Variants in ICE2 observed in about 807,000 individuals in gnomAD.
The protein encoded by ICE2 is little elongation complex subunit 2.
Under a neutral mutation model 105.4 loss-of-function variants are expected in ICE2, and 87 were observed. The observed-to-expected ratio is 0.83, with a 90% CI of 0.69 to 0.99. The LOEUF is 0.99. Ranked by LOEUF, ICE2 falls within the 50% of genes least tolerant of loss-of-function variation. ICE2 has a pLI of 0.00. For missense variants in ICE2, 1,323 were observed against 1,146.7 expected, an observed-to-expected ratio of 1.15 and a Z score of -2.22; for synonymous variants, 399 against 392.0, an observed-to-expected ratio of 1.02 and a Z score of -0.21.
chr15:60,423,968 T>G (rs75330219), intron 15 of ICE2, among the ~76,000 whole-genome samples: 7,214 of 152,284 alleles, frequency 0.047, 519 homozygotes, highest in African/African-American at 0.15. Context: ...ATCAGAGAAG[T>G]TGATAGATCT....
At chr15:60,428,718 G>A (rs1445374990) in intron 14 of ICE2, 31 bp from the exon 15 acceptor site, 1 of 1,593,900 alleles carries the variant, frequency 6.3e-7, no homozygotes, top group Middle Eastern at 1.7e-4. Context: ...TCAACCCACT[G>A]GCTCACTGTG....
intron 15 of ICE2, 115 bp from the exon 16 acceptor site, chr15:60,423,877 A>G (rs2063281218): frequency 1.1e-6 from 1 of 929,122 alleles, no homozygotes; most frequent in Non-Finnish European, 1.5e-6. Flanking sequence ...GCTCTTATAT[A>G]TTTTTCATCT....
intron 9 of ICE2, chr15:60,451,114 T>C (rs781626910): frequency 2.3e-5 from 18 of 789,654 alleles, no homozygotes; most frequent in Non-Finnish European, 2.6e-5. Context: ...TAAATTTTTA[T>C]TGTACAAACT....
chr15:60,449,468 T>G lies in ICE2; in HGVS notation c.1499A>C (p.Lys500Thr). 1.9e-6 allele frequency: 3 copies of G among 1,614,190 alleles called. No homozygotes were observed. Among genetic ancestry groups the G allele is most frequent in the Non-Finnish European group, 2.5e-6 (3 of 1,180,032 alleles). The change falls in exon 10 of 16, where the codon AAG (lysine) becomes ACG (threonine). Residue 500 changes from lysine to threonine, a missense_variant. Transcript: ENST00000261520. Reference protein sequence around the residue: ...ESCEKVSNSDKPLIQDSDLKT... With the variant: ...ESCEKVSNSDTPLIQDSDLKT... ...CAAGTCACTATCTTGTATCAAAGGCTTGTCAGAATTTGATACCTTTTCACA... is the reference window on the plus strand; with the variant it reads ...CAAGTCACTATCTTGTATCAAAGGCGTGTCAGAATTTGATACCTTTTCACA...
chr15:60,449,580 GT>G lies in ICE2; in HGVS notation c.1386del (p.Glu462AspfsTer41), dbSNP rs1184750408. 3.7e-6 allele frequency: 6 copies of G among 1,614,024 alleles called. No homozygotes were observed. Among genetic ancestry groups the G allele is most frequent in the Non-Finnish European group, 5.1e-6 (6 of 1,180,032 alleles). ...NSRSLSQILMEQLQKEKQLVT... is the reference protein window; with the variant it reads ...NSRSLSQILMXQLQKEKQLVT... ...ACCAGCTGTTTCTCCTTTTGCAATT[GT>G]TCCATCAGAATCTGAGATAAACTTC... On this transcript the variant is annotated frameshift_variant, in exon 10 of 16. Coordinates refer to ENST00000261520, the MANE Select transcript of ICE2 (RefSeq NM_024611.6). LOFTEE classifies it high-confidence loss of function.
intron 5 of ICE2, among the ~76,000 whole-genome samples, chr15:60,464,065 C>T (rs1047960218): frequency 1.3e-5 from 2 of 152,020 alleles, no homozygotes; most frequent in East Asian, 1.9e-4. Flanking sequence ...TCCATATGTA[C>T]GTGACATTGT....
At chr15:60,440,355 G>T (rs981143313) in intron 12 of ICE2, 2 of 152,182 alleles carry the variant, frequency 1.3e-5, no homozygotes, top group Non-Finnish European at 2.9e-5. Context: ...ATATTATAGG[G>T]TTGGAGGGTG....
intron 15 of ICE2, among the ~76,000 whole-genome samples, chr15:60,427,470 G>C (rs538754402): frequency 1.3e-3 from 194 of 152,246 alleles, no homozygotes; most frequent in African/African-American, 4.5e-3. Flanking sequence ...GCCCAGGCTG[G>C]AGTGCAGTAG....
In ICE2 at chr15:60,447,998, C is replaced by T. The variant is rs890249199; in HGVS notation, c.2267G>A (p.Arg756His). Residue 756 changes from arginine (R) to histidine (H), a missense_variant, in exon 11 of 16, where the codon CGT (arginine) becomes CAT (histidine). Arg to His is a conservative substitution (Grantham distance 29). Coordinates refer to ENST00000261520, the MANE Select transcript of ICE2 (RefSeq NM_024611.6). ...TCTGATTTTCTTCCGTTTTTTAGAA[C>T]GTGGTCTTGTCTCTATCCTCTGGAC... ...CSVQRIETRPRSKKRKKIRRQ... is the reference protein window; with the variant it reads ...CSVQRIETRPHSKKRKKIRRQ... 1.9e-6 allele frequency: 3 copies of T among 1,608,178 alleles called. No homozygotes were observed. The highest frequency in any genetic ancestry group is 2.5e-6 in the Non-Finnish European group (3 of 1,178,312).
chr15:60,474,941 C>G (rs142882793), intron 3 of ICE2, among the ~76,000 whole-genome samples: 2 of 152,132 alleles, frequency 1.3e-5, no homozygotes, highest in South Asian at 4.1e-4. Flanking sequence ...GGCAACACAG[C>G]AAGACCATGT....
At chr15:60,465,792 C>A (rs892192878) in intron 5 of ICE2, among the ~76,000 whole-genome samples, 3 of 148,532 alleles carry the variant, frequency 2.0e-5, no homozygotes, top group Non-Finnish European at 3.0e-5. Flanking sequence ...GCTCTGTCAC[C>A]TAGGCTGGAC....
intron 6 of ICE2, among the ~76,000 whole-genome samples, chr15:60,455,681 G>A (rs944257562): frequency 1.3e-5 from 2 of 150,900 alleles, no homozygotes; most frequent in Non-Finnish European, 2.9e-5. Context: ...GCGGTTGTAT[G>A]ATCTCAGATC....
chr15:60,453,389 G>A, intron 9 of ICE2: 1 of 1,342,280 alleles, frequency 7.5e-7, no homozygotes, highest in African/African-American at 1.5e-5. Context: ...TTGTCAAGTA[G>A]GTACTACTTC....
intron 13 of ICE2, among the ~76,000 whole-genome samples, chr15:60,434,292 A>C (rs1467760819): frequency 6.6e-6 from 1 of 152,196 alleles, no homozygotes; most frequent in Non-Finnish European, 1.5e-5. Flanking sequence ...GTAGAAGGGC[A>C]AACTGAGAAG....
At chr15:60,461,539 A>G (rs1333801303) in intron 5 of ICE2, among the ~76,000 whole-genome samples, 1 of 152,198 alleles carries the variant, frequency 6.6e-6, no homozygotes, top group Non-Finnish European at 1.5e-5. Context: ...TCTAACAATA[A>G]AAACACAGTG....
intron 12 of ICE2, 141 bp downstream of exon 12, chr15:60,442,275 A>G: frequency 1.4e-6 from 1 of 716,466 alleles, no homozygotes; most frequent in South Asian, 2.1e-5. Context: ...CCTGGGCAAC[A>G]GAATGAGACC....
chr15:60,428,503 G>T lies in ICE2; in HGVS notation c.2746C>A (p.Pro916Thr), dbSNP rs759573972. Residue 916 changes from proline to threonine, a missense_variant, in exon 15 of 16, where the codon CCA becomes ACA. By Grantham distance (38) the Pro-to-Thr change is conservative. Transcript: ENST00000261520. ...WVPLDPSLLL[P>T]YHIHHGRIPC... ...ATTCTTCCATGATGGATATGATATG[G>T]TAATAACAGGCTGGGATCTAATGGG... 8.1e-6 allele frequency: 13 copies of T among 1,614,090 alleles called. No homozygotes were observed. Among genetic ancestry groups the T allele is most frequent in the Non-Finnish European group, 1.1e-5 (13 of 1,179,944 alleles).
Position 60,468,224 on chromosome 15 carries a change from A to T in ICE2, c.245T>A (p.Ile82Asn). Reference sequence around the variant, plus strand: ...TGGTTTTGGAAGAAGAACCATTCCAATTGTGGTTTTAACTTTTTCCTTTGC... The same window carrying T: ...TGGTTTTGGAAGAAGAACCATTCCATTTGTGGTTTTAACTTTTTCCTTTGC... Reference protein sequence around the residue: ...TQAKEKVKTTIGMVLLPKPRV... With the variant: ...TQAKEKVKTTNGMVLLPKPRV... Residue 82 changes from isoleucine to asparagine, a missense_variant, in exon 4 of 16, where the codon ATT becomes AAT. Physicochemically the swap from Ile to Asn is moderately radical, Grantham distance 149 (BLOSUM62 -3). Coordinates refer to ENST00000261520, the MANE Select transcript of ICE2 (RefSeq NM_024611.6). 6.2e-7 allele frequency: 1 copy of T among 1,614,058 alleles called. No homozygotes were observed. The highest frequency in any genetic ancestry group is 8.5e-7 in the Non-Finnish European group (1 of 1,179,934).
Position 60,466,587 on chromosome 15 carries a change from T to C in ICE2, c.528+7A>G, listed in dbSNP as rs369367119. ...GCAATTTACACAAATGTGAGTTGTTTTTTTACCTCTGTGAAGAGACGGGCA... is the reference window on the plus strand; with the variant it reads ...GCAATTTACACAAATGTGAGTTGTTCTTTTACCTCTGTGAAGAGACGGGCA... On this transcript the variant is annotated splice_region_variant and intron_variant, in intron 5 of 15. Transcript: ENST00000261520. 5.6e-6 allele frequency: 9 copies of C among 1,609,162 alleles called. No homozygotes were observed. The highest frequency in any genetic ancestry group is 7.6e-6 in the Non-Finnish European group (9 of 1,179,338).
Sources: allele counts gnomAD v4.1 joint callset (sites outside exome capture counted in the v4.1 genomes callset), GRCh38; gene constraint gnomAD v4.1.1; transcripts MANE v1.5; gene names NCBI Gene and HGNC (gene_info 2026-07-23, HGNC 2026-07-21).